The following CRIM1 variants were observed in gnomAD, a reference collection of about 807,000 sequenced individuals.
The protein encoded by CRIM1 is cysteine rich transmembrane BMP regulator 1.
A neutral mutation model predicts 116.4 loss-of-function variants in CRIM1; 32 were observed. That is an observed-to-expected ratio of 0.27 (90% CI 0.21 to 0.37). The LOEUF (loss-of-function observed/expected upper bound fraction) is 0.37, where lower values mean the gene tolerates loss of function less well. Ranked by LOEUF, CRIM1 falls within the 10% of genes least tolerant of loss-of-function variation. The pLI is 1.00. For missense variants in CRIM1, 1,331 were observed against 1,354.8 expected (o/e 0.98, Z 0.28); for synonymous variants, 590 against 509.2 (o/e 1.16, Z -2.13).
At chr2:36,437,687 G>A (rs956516686) in intron 2 of CRIM1, among the ~76,000 whole-genome samples, 26 of 152,048 alleles carry the variant, frequency 1.7e-4, no homozygotes, top group African/African-American at 5.1e-4. Context: ...AACTCTGATC[G>A]ACTTACACTT....
chr2:36,532,293 GGTTT>G (rs1666171533), intron 13 of CRIM1, among the ~76,000 whole-genome samples: 2 of 152,116 alleles, frequency 1.3e-5, no homozygotes, highest in Non-Finnish European at 2.9e-5. Flanking sequence ...ACCCCTGATT[GGTTT>G]GTTTTAAAAA....
intron 7 of CRIM1, among the ~76,000 whole-genome samples, chr2:36,490,149 CTG>C (rs1452382962): frequency 1.1e-4 from 17 of 152,228 alleles, no homozygotes; most frequent in African/African-American, 3.1e-4. Flanking sequence ...CATTTGAGGT[CTG>C]TGAAAGGGCT....
In CRIM1 at chr2:36,511,344, C is replaced by T. The variant is rs573031844; in HGVS notation, c.1659-929C>T. ...TAAAAATTCTAGGTTTGGGAGGGGT[C>T]GTCTTTATAATTTTCATTGGATAAT... On this transcript the variant is annotated intron_variant, in intron 9 of 16. Transcript: ENST00000280527. 1.2e-4 allele frequency among the ~76,000 whole-genome samples: 19 copies of T among 152,092 alleles called. No individual in the cohort carries two copies. In the South Asian group the frequency reaches 3.3e-3, roughly 27 times the overall value.
chr2:36,415,982 C>A (rs531126801), intron 2 of CRIM1, among the ~76,000 whole-genome samples: 1 of 152,106 alleles, frequency 6.6e-6, no homozygotes, highest in Non-Finnish European at 1.5e-5. Context: ...CCAAGGCACG[C>A]GGATCACTTA....
At chr2:36,404,286 C>T (rs1672624494) in intron 2 of CRIM1, among the ~76,000 whole-genome samples, 1 of 152,138 alleles carries the variant, frequency 6.6e-6, no homozygotes, top group Non-Finnish European at 1.5e-5. Context: ...CTAATTTATA[C>T]TCCCTTGTTC....
intron 10 of CRIM1, 100 bp downstream of exon 10, chr2:36,512,494 GC>G (rs1664756757): frequency 3.8e-6 from 5 of 1,313,768 alleles, no homozygotes; most frequent in Non-Finnish European, 5.2e-6. Context: ...GGTGGTTGCT[GC>G]CTATTCTAAC....
In CRIM1 at chr2:36,408,291, G is replaced by T. The variant is rs115468568; in HGVS notation, c.505+11504G>T. Among the ~76,000 whole-genome samples, 328 of 152,304 alleles carry T rather than the reference G, an allele frequency of 2.2e-3. 2 individuals carry two copies. The highest frequency in any genetic ancestry group is 7.6e-3 in the African/African-American group (317 of 41,566). Reference sequence around the variant, plus strand: ...ACCTTAGCAGGGTGACATGTTCACTGCTGGGGTAGCCCTGAGCACTCCTGC... The same window carrying T: ...ACCTTAGCAGGGTGACATGTTCACTTCTGGGGTAGCCCTGAGCACTCCTGC... On this transcript the variant is annotated intron_variant, in intron 2 of 16. Transcript: ENST00000280527.
intron 14 of CRIM1, among the ~76,000 whole-genome samples, chr2:36,540,745 A>G (rs1310755534): frequency 6.6e-6 from 1 of 152,224 alleles, no homozygotes; most frequent in Non-Finnish European, 1.5e-5. Flanking sequence ...GTGTGCAGGA[A>G]GGACTAAAGC....
intron 7 of CRIM1, among the ~76,000 whole-genome samples, chr2:36,483,051 G>A (rs1572843423): frequency 6.6e-6 from 1 of 152,196 alleles, no homozygotes; most frequent in Admixed American, 6.5e-5. Context: ...GTACTCTCAT[G>A]ATGAATTCTT....
chr2:36,447,288 A>G (rs965232564), intron 4 of CRIM1, among the ~76,000 whole-genome samples: 2 of 152,116 alleles, frequency 1.3e-5, no homozygotes. Flanking sequence ...AGCTTTTTTG[A>G]TAACAATGTT....
chr2:36,474,662 A>G (rs1033929423), intron 5 of CRIM1, among the ~76,000 whole-genome samples: 1 of 151,994 alleles, frequency 6.6e-6, no homozygotes, highest in African/African-American at 2.4e-5. Context: ...GTTCAAGACC[A>G]GCCTGGCCAA....
intron 3 of CRIM1, 82 bp downstream of exon 3, chr2:36,441,582 C>T: frequency 6.5e-7 from 1 of 1,528,776 alleles, no homozygotes; most frequent in South Asian, 1.2e-5. Flanking sequence ...CCTGGCCTCT[C>T]CTTTCACACG....
intron 2 of CRIM1, among the ~76,000 whole-genome samples, chr2:36,417,049 T>G (rs1444595800): frequency 6.6e-6 from 1 of 152,142 alleles, no homozygotes; most frequent in African/African-American, 2.4e-5. Context: ...CGTGGCACCG[T>G]CCACCCAGAA....
chr2:36,473,469 T>C (rs1678702886), intron 5 of CRIM1, among the ~76,000 whole-genome samples: 1 of 152,180 alleles, frequency 6.6e-6, no homozygotes, highest in Non-Finnish European at 1.5e-5. Context: ...TTTCAGAACA[T>C]TTTCATCAAG....
chr2:36,534,279 CAGGAAGGAGGGATGAGAA>C (rs557173761), intron 13 of CRIM1, among the ~76,000 whole-genome samples: 281 of 81,796 alleles, frequency 3.4e-3, no homozygotes, highest in African/African-American at 0.013. Flanking sequence ...ATGGAGGGGA[CAGGAAGGAGGGATGAGAA>C]AGGAAGGAGG....
At chr2:36,426,975 G>C (rs1196889723) in intron 2 of CRIM1, among the ~76,000 whole-genome samples, 1 of 152,092 alleles carries the variant, frequency 6.6e-6, no homozygotes, top group Non-Finnish European at 1.5e-5. Context: ...GGCTGAGGCG[G>C]GTGGATCACG....
At chr2:36,537,990 C>G (rs1028896613) in intron 14 of CRIM1, among the ~76,000 whole-genome samples, 1 of 152,124 alleles carries the variant, frequency 6.6e-6, no homozygotes, top group Non-Finnish European at 1.5e-5. Context: ...CTGGTTCATT[C>G]TTTTTTTACT....
chr2:36,451,818 G>T lies in CRIM1; in HGVS notation c.869+9083G>T, dbSNP rs569276753. On this transcript the variant is annotated intron_variant, in intron 4 of 16. Coordinates refer to ENST00000280527, the MANE Select transcript of CRIM1 (RefSeq NM_016441.3). ...TCAAAGCCAGAAACTTCCTGAGGGTGGCTTGGAACTGTCAGGGTCATGTTC... is the reference window on the plus strand; with the variant it reads ...TCAAAGCCAGAAACTTCCTGAGGGTTGCTTGGAACTGTCAGGGTCATGTTC... 1.6e-3 allele frequency among the ~76,000 whole-genome samples: 243 copies of T among 152,296 alleles called. 1 individual carries two copies. Among genetic ancestry groups the T allele is most frequent in the Middle Eastern group, 6.8e-3 (2 of 294 alleles).
intron 1 of CRIM1, among the ~76,000 whole-genome samples, chr2:36,357,113 C>T (rs908751354): frequency 6.6e-6 from 1 of 152,228 alleles, no homozygotes. Context: ...AGCTCGCACT[C>T]CCCGAGTGAC....
Sources: allele counts gnomAD v4.1 joint callset (sites outside exome capture counted in the v4.1 genomes callset), GRCh38; gene constraint gnomAD v4.1.1; transcripts MANE v1.5; gene names NCBI Gene and HGNC (gene_info 2026-07-23, HGNC 2026-07-21).